GTF2B: variants seen among roughly 807,000 people sequenced by gnomAD.
GTF2B encodes the protein general transcription factor IIB, also known as transcription initiation factor IIB.
In GTF2B, 20 loss-of-function variants were observed where a neutral mutation model predicts 34.6. The ratio of observed to expected loss-of-function variants is 0.58; its 90% confidence interval spans 0.41 to 0.84. GTF2B has a LOEUF of 0.84. Among genes scored for constraint, GTF2B ranks in the 40% least tolerant of loss-of-function variants. GTF2B has a pLI of 0.00. For missense variants in GTF2B, 237 were observed against 393.3 expected, an observed-to-expected ratio of 0.60 and a Z score of 3.36; for synonymous variants, 142 against 132.4, an observed-to-expected ratio of 1.07 and a Z score of -0.50.
At chr1:88,879,918 C>T (rs566320633) in intron 2 of GTF2B, among the ~76,000 whole-genome samples, 78 of 151,812 alleles carry the variant, frequency 5.1e-4, no homozygotes, top group African/African-American at 1.3e-3. Context: ...ATTAGCCGGG[C>T]GGGGTGGCAT....
intron 2 of GTF2B, among the ~76,000 whole-genome samples, chr1:88,868,779 A>AGGCTAGAG (rs1485501494): frequency 6.6e-6 from 1 of 151,128 alleles, no homozygotes; most frequent in Non-Finnish European, 1.5e-5. Context: ...TCTGTCGCCC[A>AGGCTAGAG]GGCTAGAGTG....
chr1:88,865,414 C>T (rs753511173), intron 2 of GTF2B, among the ~76,000 whole-genome samples: 7 of 152,064 alleles, frequency 4.6e-5, no homozygotes, highest in African/African-American at 1.2e-4. Flanking sequence ...ATAAGGGAGA[C>T]GCATCAGTTT....
At chr1:88,890,348 T>C (rs553355479) in intron 1 of GTF2B, among the ~76,000 whole-genome samples, 40 of 152,268 alleles carry the variant, frequency 2.6e-4, no homozygotes, top group Middle Eastern at 3.4e-3. Context: ...GTTCAAACAG[T>C]ATATTAGCTA....
intron 5 of GTF2B, among the ~76,000 whole-genome samples, 197 bp downstream of exon 5, chr1:88,859,685 A>C (rs911720254): frequency 2.6e-5 from 4 of 152,156 alleles, no homozygotes; most frequent in Non-Finnish European, 5.9e-5. Flanking sequence ...AAAATACAAA[A>C]GTTAACCAGG....
chr1:88,871,131 G>T (rs1673685525), intron 2 of GTF2B, among the ~76,000 whole-genome samples: 1 of 151,938 alleles, frequency 6.6e-6, no homozygotes, highest in African/African-American at 2.4e-5. Flanking sequence ...CGAACTCCTG[G>T]CCTCATGTTA....
At chr1:88,890,067 C>G (rs1674163157) in intron 1 of GTF2B, among the ~76,000 whole-genome samples, 2 of 150,992 alleles carry the variant, frequency 1.3e-5, no homozygotes, top group Non-Finnish European at 2.9e-5. Context: ...TTTGTTGTCA[C>G]TGATAGAAAA....
intron 3 of GTF2B, among the ~76,000 whole-genome samples, chr1:88,861,765 G>C (rs1673446395): frequency 6.6e-6 from 1 of 152,196 alleles, no homozygotes; most frequent in African/African-American, 2.4e-5. Context: ...CTGGGAGTTT[G>C]AGGCTGCAGT....
chr1:88,877,030 T>C (rs1332192648), intron 2 of GTF2B, among the ~76,000 whole-genome samples: 1 of 152,016 alleles, frequency 6.6e-6, no homozygotes, highest in African/African-American at 2.4e-5. Flanking sequence ...GTACAGAAAA[T>C]CCAAAAGAAT....
chr1:88,888,863 C>T (rs1163354719), intron 1 of GTF2B, among the ~76,000 whole-genome samples: 1 of 152,110 alleles, frequency 6.6e-6, no homozygotes, highest in Admixed American at 6.6e-5. Context: ...AGTTAGAAAT[C>T]AGGATGTGGT....
Position 88,868,739 on chromosome 1 carries a change from TC to T in GTF2B, c.125-4626del, listed in dbSNP as rs1279592222. On this transcript the variant is annotated intron_variant, in intron 2 of 6. Coordinates refer to ENST00000370500, the MANE Select transcript of GTF2B (RefSeq NM_001514.6). ...CAGTTGGCCTGCTGTATCTGTGTAT[TC>T]TTTTTTTTTTTTTGAGACGGAGTCT... Among the ~76,000 whole-genome samples, 69 of 28,446 alleles carry T rather than the reference TC, an allele frequency of 2.4e-3. No individual in the cohort carries two copies. In the East Asian group the frequency reaches 0.026, roughly 11 times the overall value. The allele number at this position is 28,446 out of a possible 152,430, so 18.7% of individuals were successfully genotyped here. A position where few individuals can be genotyped will look rare whatever the true frequency, so the allele number is the denominator to read the frequency against.
At chr1:88,863,871 C>G (rs1673493960) in intron 3 of GTF2B, 110 bp downstream of exon 3, 1 of 856,228 alleles carries the variant, frequency 1.2e-6, no homozygotes, top group Non-Finnish European at 1.9e-6. Flanking sequence ...TCTTATTAGA[C>G]AGGTCAAGAT....
At chr1:88,883,550 C>T (rs1392929679) in intron 2 of GTF2B, among the ~76,000 whole-genome samples, 1 of 150,576 alleles carries the variant, frequency 6.6e-6, no homozygotes, top group Non-Finnish European at 1.5e-5. Context: ...CCTATCTGTA[C>T]CAAAAAAAAA....
chr1:88,865,453 G>A (rs1044210482), intron 2 of GTF2B, among the ~76,000 whole-genome samples: 2 of 152,204 alleles, frequency 1.3e-5, no homozygotes, highest in Admixed American at 6.5e-5. Flanking sequence ...CGGGTGTGGT[G>A]GCTCAGGCCT....
At chr1:88,865,918 C>T (rs961376173) in intron 2 of GTF2B, among the ~76,000 whole-genome samples, 13 of 151,924 alleles carry the variant, frequency 8.6e-5, no homozygotes, top group African/African-American at 2.9e-4. Flanking sequence ...CCAAGTGCTC[C>T]GCTAAGTATT....
chr1:88,886,551 G>A (rs67016406), intron 2 of GTF2B, among the ~76,000 whole-genome samples: 8,679 of 152,138 alleles, frequency 0.057, 498 homozygotes, highest in African/African-American at 0.14. Context: ...GGCTTTAAGT[G>A]GGACTCAAAA....
At chr1:88,867,058 A>AT (rs895531078) in intron 2 of GTF2B, among the ~76,000 whole-genome samples, 11 of 152,218 alleles carry the variant, frequency 7.2e-5, no homozygotes, top group African/African-American at 2.2e-4. Context: ...ATAAATTGTC[A>AT]TTGTGCACTG....
Position 88,857,420 on chromosome 1 carries a change from C to A in GTF2B, c.603G>T (p.Ala201=), listed in dbSNP as rs144031996. 1 of 1,608,448 alleles carries A rather than the reference C, an allele frequency of 6.2e-7. No homozygotes were observed. The highest frequency in any genetic ancestry group is 8.5e-7 in the Non-Finnish European group (1 of 1,174,954). ...TAATCAAATCCACACTGGTTTCTAG[C>A]GCTTTCAAAATAAGTTTAAAACACC... ...IGRCFKLILK[A]LETSVDLITT... The change falls in exon 6 of 7, where the codon GCG becomes GCT. Residue 201 remains alanine, a synonymous_variant. Transcript: ENST00000370500.
intron 2 of GTF2B, among the ~76,000 whole-genome samples, chr1:88,882,343 C>T (rs1249486147): frequency 7.7e-6 from 1 of 129,866 alleles, no homozygotes; most frequent in Non-Finnish European, 1.6e-5. Flanking sequence ...AAAAACGCTA[C>T]AGAGGTTAGG....
chr1:88,870,349 A>G (rs542132062), intron 2 of GTF2B, among the ~76,000 whole-genome samples: 1 of 152,358 alleles, frequency 6.6e-6, no homozygotes, highest in African/African-American at 2.4e-5. Context: ...AGCTCAATAA[A>G]TTAAAAATTA....
Sources: gnomAD v4.1 joint callset for allele counts (sites outside exome capture counted in the v4.1 genomes callset) on GRCh38, gnomAD v4.1.1 for gene constraint, MANE v1.5 for transcripts, NCBI Gene and HGNC (gene_info 2026-07-23, HGNC 2026-07-21) for gene names.